ANKRD45: variants seen among roughly 807,000 people sequenced by gnomAD.
The protein encoded by ANKRD45 is ankyrin repeat domain 45, also known as ankyrin repeat domain-containing protein 45.
A neutral mutation model predicts 28.1 loss-of-function variants in ANKRD45; 21 were observed. The observed-to-expected ratio is 0.75, with a 90% CI of 0.53 to 1.08. The LOEUF (loss-of-function observed/expected upper bound fraction) is 1.08, where lower values mean the gene tolerates loss of function less well. Ranked by LOEUF, ANKRD45 falls within the 50% of genes least tolerant of loss-of-function variation. ANKRD45 has a pLI of 0.00. For missense variants in ANKRD45, 261 were observed against 308.7 expected, an observed-to-expected ratio of 0.85 and a Z score of 1.16; for synonymous variants, 86 against 103.9, an observed-to-expected ratio of 0.83 and a Z score of 1.05.
At chr1:173,650,480 T>C (rs1669135003) in intron 2 of ANKRD45, among the ~76,000 whole-genome samples, 1 of 152,250 alleles carries the variant, frequency 6.6e-6, no homozygotes, top group Non-Finnish European at 1.5e-5. Flanking sequence ...ATGTGCCACA[T>C]TTTCATAATC....
At chr1:173,648,343 G>A (rs915891065) in intron 2 of ANKRD45, among the ~76,000 whole-genome samples, 1 of 152,116 alleles carries the variant, frequency 6.6e-6, no homozygotes, top group African/African-American at 2.4e-5. Flanking sequence ...CAAAGTGCTA[G>A]GATTACAGGC....
At chr1:173,644,976 A>G (rs1308213770) in intron 3 of ANKRD45, among the ~76,000 whole-genome samples, 3 of 144,836 alleles carry the variant, frequency 2.1e-5, no homozygotes, top group Admixed American at 7.3e-5. Flanking sequence ...TGGGGCAACA[A>G]GAGCGAAACT....
chr1:173,696,360 T>TG, the ANKRD45 span, among the ~76,000 whole-genome samples: 1 of 152,242 alleles, frequency 6.6e-6, no homozygotes, highest in Non-Finnish European at 1.5e-5. Context: ...CCAAGGCCAG[T>TG]GTCCAGAATG....
the ANKRD45 span, among the ~76,000 whole-genome samples, chr1:173,688,539 T>TCTCTGCCTCTTC: frequency 1.3e-3 from 184 of 143,394 alleles, 34 homozygotes; most frequent in African/African-American, 4.9e-3. Flanking sequence ...TCTCTCTCCC[T>TCTCTGCCTCTTC]CTCTCTCCCT....
At chr1:173,618,942 C>T (rs6674589) in intron 5 of ANKRD45, among the ~76,000 whole-genome samples, 4 of 152,092 alleles carry the variant, frequency 2.6e-5, no homozygotes, top group Non-Finnish European at 4.4e-5. Flanking sequence ...TGGACCTCTG[C>T]GTGGAAACCC....
Position 173,653,313 on chromosome 1 carries a change from G to A in ANKRD45, c.328+5778C>T, listed in dbSNP as rs570648812. 5.9e-5 allele frequency among the ~76,000 whole-genome samples: 9 copies of A among 152,198 alleles called. No homozygotes were observed. In the South Asian group the frequency reaches 1.0e-3, roughly 18 times the overall value. The stretch of plus-strand genomic sequence containing the variant: ...GTATGTTGTGTCTTTGTTCTCACTG[G>A]TTTCAAAAAACATCTTTATTTCTGC... On this transcript the variant is annotated intron_variant, in intron 2 of 5. Coordinates refer to ENST00000333279, the MANE Select transcript of ANKRD45 (RefSeq NM_198493.3).
At chr1:173,670,138 A>T (rs1011133708), upstream of ANKRD45, among the ~76,000 whole-genome samples, 2 of 152,224 alleles carry the variant, frequency 1.3e-5, no homozygotes, top group African/African-American at 2.4e-5. Context: ...CATTCTAAAA[A>T]CTACAAAAGA....
At chr1:173,660,322 T>C (rs1248604708) in intron 1 of ANKRD45, among the ~76,000 whole-genome samples, 1 of 152,140 alleles carries the variant, frequency 6.6e-6, no homozygotes, top group African/African-American at 2.4e-5. Context: ...GCATCACTGT[T>C]CACAACAGCA....
chr1:173,662,893 G>A (rs1299151102), intron 1 of ANKRD45, among the ~76,000 whole-genome samples: 1 of 152,106 alleles, frequency 6.6e-6, no homozygotes, highest in Non-Finnish European at 1.5e-5. Flanking sequence ...GACAGGGATT[G>A]GAAATGGGAG....
At chr1:173,706,070 C>T in the ANKRD45 span, among the ~76,000 whole-genome samples, 7 of 151,912 alleles carry the variant, frequency 4.6e-5, no homozygotes, top group African/African-American at 4.8e-5. Flanking sequence ...TTTGGGAGGC[C>T]GAGGCGGGTG....
intron 5 of ANKRD45, among the ~76,000 whole-genome samples, chr1:173,616,684 C>T (rs558626215): frequency 5.9e-5 from 9 of 152,166 alleles, no homozygotes; most frequent in South Asian, 2.1e-4. Context: ...AGGTTTTTCC[C>T]GAAATATAGA....
At chr1:173,674,620 G>A (rs1376809311), upstream of ANKRD45, among the ~76,000 whole-genome samples, 1 of 152,266 alleles carries the variant, frequency 6.6e-6, no homozygotes, top group Admixed American at 6.5e-5. Flanking sequence ...GGGACAACTC[G>A]AAGCAGGGGG....
intron 5 of ANKRD45, among the ~76,000 whole-genome samples, chr1:173,613,490 C>T (rs540145264): frequency 0.035 from 5,142 of 145,270 alleles, 408 homozygotes; most frequent in African/African-American, 0.13. Context: ...CCAGCCGCCC[C>T]GTCCGGGAGG....
chr1:173,667,595 A>C, intron 1 of ANKRD45: 1 of 277,044 alleles, frequency 3.6e-6, no homozygotes, highest in Admixed American at 5.2e-5. Flanking sequence ...AGTCCCAGCC[A>C]CTCAGGAGGC....
chr1:173,689,800 G>A, the ANKRD45 span, among the ~76,000 whole-genome samples: 1,331 of 152,084 alleles, frequency 8.8e-3, 8 homozygotes, highest in Non-Finnish European at 0.015. Flanking sequence ...TGGGGGTCTC[G>A]GGTGGAGAAT....
At chr1:173,669,611 G>T in intron 1 of ANKRD45, 1 of 415,890 alleles carries the variant, frequency 2.4e-6, no homozygotes, top group Non-Finnish European at 4.9e-6. Context: ...ATTCCCTAGG[G>T]ACCTTCTGCG....
chr1:173,675,604 A>G, the ANKRD45 span, among the ~76,000 whole-genome samples: 1 of 152,104 alleles, frequency 6.6e-6, no homozygotes. Flanking sequence ...ACAGAGGGAG[A>G]CTCTGTCTCA....
chr1:173,634,182 C>A (rs1037160337), intron 3 of ANKRD45, among the ~76,000 whole-genome samples: 1 of 151,892 alleles, frequency 6.6e-6, no homozygotes, highest in Non-Finnish European at 1.5e-5. Flanking sequence ...TGTGAATGGA[C>A]ATTTCTCAAA....
At chr1:173,655,620 C>T (rs1473599820) in intron 2 of ANKRD45, among the ~76,000 whole-genome samples, 1 of 152,192 alleles carries the variant, frequency 6.6e-6, no homozygotes, top group Admixed American at 6.5e-5. Flanking sequence ...GCTGGGAGAA[C>T]CACTGCTCTC....
Sources: gnomAD v4.1 joint callset for allele counts (sites outside exome capture counted in the v4.1 genomes callset) on GRCh38, gnomAD v4.1.1 for gene constraint, MANE v1.5 for transcripts, NCBI Gene and HGNC (gene_info 2026-07-23, HGNC 2026-07-21) for gene names.